SLC6A11: variants seen among roughly 807,000 people sequenced by gnomAD.
The protein encoded by SLC6A11 is solute carrier family 6 member 11.
In SLC6A11, 25 loss-of-function variants were observed where a neutral mutation model predicts 74.8. The ratio of observed to expected loss-of-function variants is 0.33; its 90% CI spans 0.24 to 0.47. SLC6A11 has a LOEUF of 0.47. Ranked by LOEUF, SLC6A11 falls within the 20% of genes least tolerant of loss-of-function variation. SLC6A11 has a pLI of 1.00. For missense variants in SLC6A11, 574 were observed against 837.0 expected, an observed-to-expected ratio of 0.69 and a Z score of 3.88; for synonymous variants, 330 against 330.2, an observed-to-expected ratio of 1.00 and a Z score of 0.01.
Position 10,918,114 on chromosome 3 carries a change from C to T in SLC6A11, c.996-215C>T, listed in dbSNP as rs1695483113. On this transcript the variant is annotated intron_variant, in intron 7 of 13. Transcript: ENST00000254488. The surrounding 1 kb of genome is among the most constrained non-coding windows in gnomAD (Gnocchi z 4.5). ...TCTATGCTTCTGATTCGTGACCTAC[C>T]TTACCTTCTAGAAATTCAGGAGAAG... Among the ~76,000 whole-genome samples, 1 of 152,172 alleles carries T rather than the reference C, an allele frequency of 6.6e-6. No individual in the cohort carries two copies. The highest frequency in any genetic ancestry group is 1.5e-5 in the Non-Finnish European group (1 of 68,038).
intron 5 of SLC6A11, among the ~76,000 whole-genome samples, chr3:10,873,941 T>C (rs1174740687): frequency 5.3e-5 from 8 of 150,366 alleles, no homozygotes; most frequent in South Asian, 2.2e-4. Context: ...TGTTATGCTA[T>C]GCTATCCTAT....
At chr3:10,908,313 G>A (rs1322886738) in intron 6 of SLC6A11, among the ~76,000 whole-genome samples, 1 of 152,196 alleles carries the variant, frequency 6.6e-6, no homozygotes, top group Non-Finnish European at 1.5e-5. Context: ...TGGGTAGGGA[G>A]GGAAGACAAA....
chr3:10,883,571 G>A (rs1435562961), intron 6 of SLC6A11, among the ~76,000 whole-genome samples: 1 of 152,130 alleles, frequency 6.6e-6, no homozygotes, highest in African/African-American at 2.4e-5. Flanking sequence ...TGCCCACACT[G>A]TGAGAGCACC....
At chr3:10,821,694 C>T (rs751489557) in intron 3 of SLC6A11, among the ~76,000 whole-genome samples, 12 of 151,988 alleles carry the variant, frequency 7.9e-5, no homozygotes, top group South Asian at 4.1e-4. Context: ...TTTAATTTGA[C>T]GTTTATAATT....
At chr3:10,872,770 A>T (rs1214337423) in intron 5 of SLC6A11, among the ~76,000 whole-genome samples, 2 of 152,140 alleles carry the variant, frequency 1.3e-5, no homozygotes, top group African/African-American at 2.4e-5. Flanking sequence ...GGTCAAAGAA[A>T]CCCTGGGTTG....
At chr3:10,853,512 C>T (rs538637624) in intron 5 of SLC6A11, among the ~76,000 whole-genome samples, 44 of 152,216 alleles carry the variant, frequency 2.9e-4, no homozygotes, top group Middle Eastern at 3.4e-3. Flanking sequence ...ATCCAAGCAG[C>T]GGCGCAAAAC....
chr3:10,929,502 T>C (rs1310460432), intron 10 of SLC6A11, among the ~76,000 whole-genome samples, 163 bp downstream of exon 10: 3 of 152,128 alleles, frequency 2.0e-5, no homozygotes, highest in Non-Finnish European at 4.4e-5. Flanking sequence ...ATGGAAGTTC[T>C]CATCAGGCCC....
At chr3:10,891,731 CCAGTTGAAA>C (rs1389237274) in intron 6 of SLC6A11, among the ~76,000 whole-genome samples, 1 of 152,208 alleles carries the variant, frequency 6.6e-6, no homozygotes, top group Non-Finnish European at 1.5e-5. Flanking sequence ...CCGAGAACCT[CCAGTTGAAA>C]CATTTGCCAC....
intron 4 of SLC6A11, among the ~76,000 whole-genome samples, chr3:10,828,761 A>G (rs1004597430): frequency 2.6e-5 from 4 of 152,130 alleles, no homozygotes; most frequent in African/African-American, 9.7e-5. Flanking sequence ...TCCACACCCC[A>G]GTCCCTCTCA....
chr3:10,897,717 G>A (rs142585202), intron 6 of SLC6A11, among the ~76,000 whole-genome samples: 3 of 152,336 alleles, frequency 2.0e-5, no homozygotes, highest in East Asian at 1.9e-4. Context: ...CAGGCACATG[G>A]TGCAAACTGT....
chr3:10,853,962 G>A (rs771791315), intron 5 of SLC6A11, among the ~76,000 whole-genome samples: 2 of 152,188 alleles, frequency 1.3e-5, no homozygotes, highest in Admixed American at 6.5e-5. Flanking sequence ...CTTGTGTACC[G>A]TGGCCAGACT....
In SLC6A11 at chr3:10,840,810, T is replaced by G. The variant is rs190416286; in HGVS notation, c.624-3404T>G. On this transcript the variant is annotated intron_variant, in intron 4 of 13. Transcript: ENST00000254488. ...GTTTGGGCAAGTTACTTCGCCTCTG[T>G]GCACCTCAGGTTCACTGTCGTTGAA... Among the ~76,000 whole-genome samples, 255 of 152,318 alleles carry G rather than the reference T, an allele frequency of 1.7e-3. 2 individuals carry two copies. The highest frequency in any genetic ancestry group is 5.8e-3 in the African/African-American group (242 of 41,578).
intron 5 of SLC6A11, among the ~76,000 whole-genome samples, chr3:10,853,721 A>G (rs939600612): frequency 2.6e-5 from 4 of 152,210 alleles, no homozygotes; most frequent in Non-Finnish European, 5.9e-5. Context: ...GTTATCCCAC[A>G]TAATCTCCTG....
chr3:10,929,711 T>C (rs937424105), intron 10 of SLC6A11, among the ~76,000 whole-genome samples: 3 of 152,120 alleles, frequency 2.0e-5, no homozygotes, highest in Non-Finnish European at 4.4e-5. Flanking sequence ...CTATGAGTGG[T>C]CTCACGTTCA....
intron 5 of SLC6A11, among the ~76,000 whole-genome samples, chr3:10,862,107 G>A (rs1406339104): frequency 6.6e-6 from 1 of 152,198 alleles, no homozygotes; most frequent in Non-Finnish European, 1.5e-5. Flanking sequence ...TCATCTGGCA[G>A]TGTCCCCCCA....
At chr3:10,860,792 G>A (rs1694694157) in intron 5 of SLC6A11, among the ~76,000 whole-genome samples, 1 of 152,216 alleles carries the variant, frequency 6.6e-6, no homozygotes, top group Admixed American at 6.5e-5. Context: ...TAGCTTGGAT[G>A]ACACCATTAT....
chr3:10,836,806 G>A (rs1559555640), intron 4 of SLC6A11, among the ~76,000 whole-genome samples: 1 of 152,228 alleles, frequency 6.6e-6, no homozygotes, highest in East Asian at 1.9e-4. Flanking sequence ...CATTAGCCTA[G>A]GACAAGGGTC....
chr3:10,833,609 C>T (rs535585551), intron 4 of SLC6A11, among the ~76,000 whole-genome samples: 2 of 152,224 alleles, frequency 1.3e-5, no homozygotes, highest in South Asian at 2.1e-4. Flanking sequence ...GGTGTGGGGA[C>T]CTAGAGACCT....
intron 4 of SLC6A11, among the ~76,000 whole-genome samples, chr3:10,835,431 C>T (rs1396945605): frequency 1.3e-5 from 2 of 152,336 alleles, no homozygotes; most frequent in African/African-American, 4.8e-5. Context: ...TCCTCCGTCT[C>T]TCACCTTCCC....
Sources: allele counts gnomAD v4.1 joint callset (sites outside exome capture counted in the v4.1 genomes callset), GRCh38; gene constraint gnomAD v4.1.1; non-coding constraint Gnocchi (gnomAD v3.1); transcripts MANE v1.5; gene names NCBI Gene and HGNC (gene_info 2026-07-23, HGNC 2026-07-21).